The following SPIDR variants were observed in gnomAD, a reference collection of about 807,000 sequenced individuals.
The protein encoded by SPIDR is scaffold protein involved in DNA repair, also known as DNA repair-scaffolding protein.
A neutral mutation model predicts 104.6 loss-of-function variants in SPIDR; 93 were observed. The ratio of observed to expected loss-of-function variants is 0.89; its 90% CI spans 0.75 to 1.06. The LOEUF is 1.06. Ranked by LOEUF, SPIDR falls within the 50% of genes least tolerant of loss-of-function variation. SPIDR has a pLI of 0.00. For missense variants in SPIDR, 1,154 were observed against 1,111.2 expected (o/e 1.04, Z -0.55); for synonymous variants, 431 against 416.9 (o/e 1.03, Z -0.41).
chr8:47,656,852 G>A (rs570231826), intron 10 of SPIDR, among the ~76,000 whole-genome samples: 42 of 152,332 alleles, frequency 2.8e-4, no homozygotes, highest in African/African-American at 8.9e-4. Flanking sequence ...ACTGATCCAT[G>A]CTATAACATG....
chr8:47,723,772 T>A (rs549602861), intron 16 of SPIDR, among the ~76,000 whole-genome samples: 1 of 151,242 alleles, frequency 6.6e-6, no homozygotes, highest in South Asian at 2.1e-4. Flanking sequence ...TACCCTGGAG[T>A]TTGCAATACA....
chr8:47,317,612 C>T (rs1280449091), intron 5 of SPIDR, among the ~76,000 whole-genome samples: 9 of 152,142 alleles, frequency 5.9e-5, no homozygotes, highest in South Asian at 2.1e-4. Flanking sequence ...TCTCCCAGCA[C>T]GCAGCTGGAG....
rs1192422618 is a variant in SPIDR at position 47,293,846 on chromosome 8, G to C, written c.362-21G>C. The C allele has an allele frequency of 1.1e-5, 17 of 1,589,938 alleles. No homozygotes were observed. In the East Asian group the frequency reaches 3.6e-4, roughly 33 times the overall value. On this transcript the variant is annotated intron_variant, in intron 4 of 19. Transcript: ENST00000297423. ...AAAGATTAAGGAGATAATTAAGCAA[G>C]TTAAAAATTATATTTTTTAGATGAA... is the stretch of plus-strand genomic sequence containing the variant.
chr8:47,268,372 T>C (rs2034531992), intron 1 of SPIDR, among the ~76,000 whole-genome samples: 1 of 152,212 alleles, frequency 6.6e-6, no homozygotes, highest in African/African-American at 2.4e-5. Flanking sequence ...CAGAAAGCCA[T>C]CTGGGATTTT....
chr8:47,504,226 G>T (rs1410290887), intron 8 of SPIDR, among the ~76,000 whole-genome samples: 1 of 152,212 alleles, frequency 6.6e-6, no homozygotes, highest in South Asian at 2.1e-4. Context: ...ATCCTGCAGA[G>T]TGTTTTCCAG....
At chr8:47,600,374 A>G (rs1188020152) in intron 10 of SPIDR, among the ~76,000 whole-genome samples, 3 of 152,066 alleles carry the variant, frequency 2.0e-5, no homozygotes, top group Non-Finnish European at 2.9e-5. Flanking sequence ...CAATGCAATC[A>G]TCCTATCATT....
At chr8:47,290,737 AT>A (rs1311418051) in intron 3 of SPIDR, among the ~76,000 whole-genome samples, 14 of 152,254 alleles carry the variant, frequency 9.2e-5, no homozygotes, top group African/African-American at 3.4e-4. Flanking sequence ...ACTTTTATAA[AT>A]GTTATTTCAA....
At chr8:47,353,230 T>C (rs1047038903) in intron 5 of SPIDR, among the ~76,000 whole-genome samples, 5 of 152,180 alleles carry the variant, frequency 3.3e-5, no homozygotes, top group African/African-American at 9.7e-5. Context: ...TGCATACTTA[T>C]ATATACGCCA....
intron 10 of SPIDR, among the ~76,000 whole-genome samples, chr8:47,620,704 A>C (rs1396591313): frequency 6.9e-6 from 1 of 145,882 alleles, no homozygotes; most frequent in East Asian, 2.1e-4. Context: ...TGCAATCTCC[A>C]CCTCCCGGGT....
chr8:47,631,362 G>A (rs531919806), intron 10 of SPIDR, among the ~76,000 whole-genome samples: 1 of 152,336 alleles, frequency 6.6e-6, no homozygotes, highest in Admixed American at 6.5e-5. Flanking sequence ...ATCTGTCTTA[G>A]GGTCAATTTA....
intron 8 of SPIDR, among the ~76,000 whole-genome samples, chr8:47,564,658 C>A (rs1490187868): frequency 6.9e-6 from 1 of 145,228 alleles, no homozygotes; most frequent in Non-Finnish European, 1.5e-5. Context: ...CCATTCTGGG[C>A]ATCAGAGCAA....
At chr8:47,317,961 AC>A (rs1190336853) in intron 5 of SPIDR, among the ~76,000 whole-genome samples, 2 of 152,144 alleles carry the variant, frequency 1.3e-5, no homozygotes, top group Non-Finnish European at 2.9e-5. Context: ...ATCATCAAAG[AC>A]CCAAAGGTAG....
intron 8 of SPIDR, among the ~76,000 whole-genome samples, chr8:47,505,951 A>G (rs2081414341): frequency 6.6e-6 from 1 of 152,330 alleles, no homozygotes; most frequent in Non-Finnish European, 1.5e-5. Context: ...ATTTTTGAGT[A>G]TTGCCCTCCT....
intron 7 of SPIDR, among the ~76,000 whole-genome samples, chr8:47,410,562 A>T (rs1389541852): frequency 3.3e-5 from 5 of 151,978 alleles, no homozygotes; most frequent in African/African-American, 1.2e-4. Flanking sequence ...TATATTAATG[A>T]TTATGACATT....
chr8:47,323,309 G>A (rs895229558), intron 5 of SPIDR, among the ~76,000 whole-genome samples: 7 of 152,166 alleles, frequency 4.6e-5, no homozygotes, highest in African/African-American at 1.7e-4. Flanking sequence ...TTGTATTTAT[G>A]TAAGTAGTTG....
intron 8 of SPIDR, among the ~76,000 whole-genome samples, chr8:47,587,715 C>G (rs141227095): frequency 9.2e-4 from 139 of 151,172 alleles, no homozygotes; most frequent in African/African-American, 3.3e-3. Flanking sequence ...ATCACCTGAT[C>G]CCAGGAGTTT....
At position 47,735,688 on chromosome 8, in the gene SPIDR, T is replaced by C. The variant is rs2086180202; in HGVS notation, c.*238T>C. The C allele has an allele frequency of 1.1e-6, 1 of 904,704 alleles. No individual in the cohort carries two copies. Among genetic ancestry groups the C allele is most frequent in the African/African-American group, 1.7e-5 (1 of 59,714 alleles). The allele number at this position is 904,704 out of a possible 1,614,324, so 56.0% of individuals were successfully genotyped here. On this transcript the variant is annotated 3_prime_UTR_variant, in exon 20 of 20. Transcript: ENST00000297423. ...CAAATTTAGGAACATATTTACTCGT[T>C]TTCACATTGAATCTTAAGTTTAAGC...
At chr8:47,699,021 A>G (rs568308534) in intron 11 of SPIDR, among the ~76,000 whole-genome samples, 2 of 152,324 alleles carry the variant, frequency 1.3e-5, no homozygotes, top group South Asian at 4.1e-4. Flanking sequence ...ATTTTTCTAT[A>G]CTGTATAAAG....
intron 5 of SPIDR, among the ~76,000 whole-genome samples, chr8:47,307,041 C>G (rs781968003): frequency 6.6e-6 from 1 of 152,022 alleles, no homozygotes; most frequent in Non-Finnish European, 1.5e-5. Context: ...CAATCTCTGT[C>G]TTTTGATTGG....
Sources: allele counts gnomAD v4.1 joint callset (sites outside exome capture counted in the v4.1 genomes callset), GRCh38; gene constraint gnomAD v4.1.1; transcripts MANE v1.5; gene names NCBI Gene and HGNC (gene_info 2026-07-23, HGNC 2026-07-21).